The following ALPK1 variants were observed in gnomAD, a reference collection of about 807,000 sequenced individuals.
The protein encoded by ALPK1 is alpha kinase 1.
ALPK1 carries 110 observed loss-of-function variants against 120.6 expected under a neutral mutation model. The ratio of observed to expected loss-of-function variants is 0.91; its 90% confidence interval spans 0.78 to 1.07. The LOEUF (loss-of-function observed/expected upper bound fraction) is 1.07. Among genes scored for constraint, ALPK1 ranks in the 50% least tolerant of loss-of-function variants. The pLI is 0.00. For synonymous variants in ALPK1, 582 were observed against 560.3 expected (o/e 1.04, Z -0.55); for missense variants, 1,498 against 1,483.9 (o/e 1.01, Z -0.16).
chr4:112,359,798 C>G (rs1578498994), intron 2 of ALPK1: 1 of 427,848 alleles, frequency 2.3e-6, no homozygotes, highest in Non-Finnish European at 4.6e-6. Context: ...TCATGCAGGT[C>G]TTCTGGCCAG....
chr4:112,302,608 C>T (rs1727837490), intron 1 of ALPK1: 1 of 152,282 alleles, frequency 6.6e-6, no homozygotes, highest in Non-Finnish European at 1.5e-5. Flanking sequence ...CTCCCCAAGG[C>T]AAGGCAAACC....
Position 112,431,375 on chromosome 4 carries a change from G to A in ALPK1, c.1828G>A (p.Glu610Lys), listed in dbSNP as rs1734542321. The A allele has an allele frequency of 6.2e-7, 1 of 1,614,234 alleles. No homozygotes were observed. The highest frequency in any genetic ancestry group is 8.5e-7 in the Non-Finnish European group (1 of 1,180,044). The change falls in exon 11 of 16, where the codon GAG becomes AAG. Residue 610 changes from glutamate (E) to lysine (K), a missense_variant. Physicochemically the swap from Glu to Lys is moderately conservative, Grantham distance 56. Coordinates refer to ENST00000650871, the MANE Select transcript of ALPK1 (RefSeq NM_025144.4). ...CGTTGACGACAGGTCAGCCAGAAAAGAGCCTGGCAAAGAACATCTGGTGGA... is the reference window on the plus strand; with the variant it reads ...CGTTGACGACAGGTCAGCCAGAAAAAAGCCTGGCAAAGAACATCTGGTGGA... ...YHVDDRSARK[E>K]PGKEHLVDTQ...
intron 4 of ALPK1, chr4:112,383,186 A>G (rs2106993): frequency 0.45 from 68,157 of 151,880 alleles, 15,873 homozygotes; most frequent in East Asian, 0.8. Context: ...TCAGGCTTTG[A>G]TTCTGGGGAT....
chr4:112,424,005 T>C lies in ALPK1; in HGVS notation c.535+2T>C, dbSNP rs1560681683. The C allele has an allele frequency of 6.2e-7, 1 of 1,613,474 alleles. No homozygotes were observed. Among genetic ancestry groups the C allele is most frequent in the East Asian group, 2.2e-5 (1 of 44,870 alleles). On this transcript the variant is annotated splice_donor_variant, in intron 6 of 15. Coordinates refer to ENST00000650871, the MANE Select transcript of ALPK1 (RefSeq NM_025144.4). LOFTEE classifies it high-confidence loss of function. ...TAATAAGCAACAATGGAGCAACGGG[T>C]GAGTACTTTCATATCTTCACAATGA...
intron 2 of ALPK1, among the ~76,000 whole-genome samples, chr4:112,318,138 A>G (rs368445086): frequency 2.0e-5 from 3 of 152,192 alleles, no homozygotes. Context: ...TACTTACACT[A>G]CTTTTGACTA....
intron 2 of ALPK1, among the ~76,000 whole-genome samples, chr4:112,361,222 G>A (rs977436064): frequency 6.6e-6 from 1 of 152,228 alleles, no homozygotes; most frequent in Non-Finnish European, 1.5e-5. Context: ...CTTTGAAGGA[G>A]GTGGATTGCT....
chr4:112,430,304 G>T, intron 10 of ALPK1, 144 bp from the exon 11 acceptor site: 1 of 820,844 alleles, frequency 1.2e-6, no homozygotes, highest in Non-Finnish European at 1.8e-6. Context: ...ATGTTTGCCT[G>T]TATATTTTCC....
At chr4:112,328,204 G>A (rs984409581) in intron 2 of ALPK1, among the ~76,000 whole-genome samples, 4 of 152,340 alleles carry the variant, frequency 2.6e-5, no homozygotes, top group East Asian at 1.9e-4. Context: ...GACACACCAG[G>A]TTCCTTCTGT....
intron 4 of ALPK1, among the ~76,000 whole-genome samples, chr4:112,399,822 C>G (rs1022281068): frequency 2.6e-5 from 4 of 152,124 alleles, no homozygotes; most frequent in Admixed American, 6.5e-5. Context: ...TTGTTCAACT[C>G]CCACTTATGA....
intron 2 of ALPK1, among the ~76,000 whole-genome samples, chr4:112,345,244 A>G (rs1386389241): frequency 6.6e-6 from 1 of 152,180 alleles, no homozygotes; most frequent in East Asian, 1.9e-4. Flanking sequence ...TTATTTTTGC[A>G]CCACATTTAA....
intron 9 of ALPK1, 194 bp downstream of exon 9, chr4:112,427,859 T>G (rs1339282449): frequency 2.0e-6 from 1 of 512,450 alleles, no homozygotes. Context: ...CGCCTAGCAC[T>G]GTAACAGACA....
At chr4:112,320,897 C>CTTTTTTTT (rs397941407) in intron 2 of ALPK1, among the ~76,000 whole-genome samples, 1 of 123,606 alleles carries the variant, frequency 8.1e-6, no homozygotes, top group Admixed American at 9.1e-5. Flanking sequence ...CCATTTCTTT[C>CTTTTTTTT]TTTTTTTTTT....
chr4:112,388,698 T>A (rs1306910454), intron 4 of ALPK1, among the ~76,000 whole-genome samples: 1 of 150,820 alleles, frequency 6.6e-6, no homozygotes, highest in East Asian at 1.9e-4. Context: ...GGTGTCAGCA[T>A]GTGCCAGATG....
At chr4:112,401,829 G>C (rs1023401673) in intron 4 of ALPK1, among the ~76,000 whole-genome samples, 3 of 152,302 alleles carry the variant, frequency 2.0e-5, no homozygotes, top group East Asian at 1.9e-4. Context: ...TATTAAGATA[G>C]AGAAAAAGCT....
intron 2 of ALPK1, chr4:112,356,254 C>T: frequency 7.1e-6 from 10 of 1,410,210 alleles, no homozygotes; most frequent in Non-Finnish European, 1.0e-5. Context: ...TCCTGGAGAG[C>T]CCCGCGGGCA....
At chr4:112,432,691 G>C in intron 11 of ALPK1, 110 bp downstream of exon 11, 1 of 989,470 alleles carries the variant, frequency 1.0e-6, no homozygotes, top group Admixed American at 2.5e-5. Flanking sequence ...ATAGAACCCT[G>C]GTATGCTTTG....
At chr4:112,303,618 A>G (rs998629632) in intron 1 of ALPK1, among the ~76,000 whole-genome samples, 12 of 152,122 alleles carry the variant, frequency 7.9e-5, no homozygotes, top group African/African-American at 2.4e-4. Flanking sequence ...GTTTTTGAAC[A>G]ATTTGTATCA....
At chr4:112,333,974 T>C (rs1460234211) in intron 2 of ALPK1, among the ~76,000 whole-genome samples, 1 of 152,122 alleles carries the variant, frequency 6.6e-6, no homozygotes, top group East Asian at 1.9e-4. Flanking sequence ...TTTATTTTTA[T>C]TTATTTTTTA....
intron 2 of ALPK1, among the ~76,000 whole-genome samples, chr4:112,351,601 G>T (rs1730360237): frequency 6.6e-6 from 1 of 151,942 alleles, no homozygotes; most frequent in South Asian, 2.1e-4. Context: ...AGCCTCCCGA[G>T]TAACTGAGAT....
Sources: gnomAD v4.1 joint callset for allele counts (sites outside exome capture counted in the v4.1 genomes callset) on GRCh38, gnomAD v4.1.1 for gene constraint, MANE v1.5 for transcripts, NCBI Gene and HGNC (gene_info 2026-07-23, HGNC 2026-07-21) for gene names.